MUSK: variants seen among roughly 807,000 people sequenced by gnomAD.
The protein encoded by MUSK is muscle associated receptor tyrosine kinase, also known as muscle, skeletal receptor tyrosine-protein kinase.
A neutral mutation model predicts 88.7 loss-of-function variants in MUSK; 55 were observed. The ratio of observed to expected loss-of-function variants is 0.62; its 90% confidence interval spans 0.50 to 0.78. MUSK has a LOEUF of 0.78. Ranked by LOEUF, MUSK falls within the 30% of genes least tolerant of loss-of-function variation. MUSK has a pLI of 0.00. For synonymous variants in MUSK, 387 were observed against 391.9 expected, an observed-to-expected ratio of 0.99 and a Z score of 0.15; for missense variants, 1,015 against 1,074.3, an observed-to-expected ratio of 0.94 and a Z score of 0.77.
At position 110,756,540 on chromosome 9, in the gene MUSK, T is replaced by TTA. The variant is rs774020210; in HGVS notation, c.914-5662_914-5661insTA. Among the ~76,000 whole-genome samples the TTA allele has an allele frequency of 1.5e-3, 216 of 143,916 alleles. 1 individual carries two copies. Among genetic ancestry groups the TTA allele is most frequent in the Admixed American group, 3.2e-3 (45 of 14,196 alleles). 94.4% of individuals were successfully genotyped at this position (143,916 alleles called of 152,430 possible). On this transcript the variant is annotated intron_variant, in intron 7 of 14. Transcript: ENST00000374448. ...AATTCTTTTTAGACAGTAATATTAT[T>TTA]AAAAAAAAAAAAAGACAAAACAAAT... is the stretch of plus-strand genomic sequence containing the variant.
At position 110,784,864 on chromosome 9, in the gene MUSK, G is replaced by A. The variant is rs765858753; in HGVS notation, c.1434G>A (p.Leu478=). 5.0e-6 allele frequency: 8 copies of A among 1,613,600 alleles called. No homozygotes were observed. The highest frequency in any genetic ancestry group is 1.6e-4 in the Middle Eastern group (1 of 6,084). ...SSKPSVDIPN[L]PSSSSSSFSV... ...AGCCAAGTGTGGACATTCCAAATCT[G>A]CCTTCCTCCTCCTCTTCTTCCTTCT... is the stretch of plus-strand genomic sequence containing the variant. The change falls in exon 12 of 15, where the codon CTG becomes CTA. Residue 478 remains leucine (L), a synonymous_variant. Coordinates refer to ENST00000374448, the MANE Select transcript of MUSK (RefSeq NM_005592.4).
intron 6 of MUSK, among the ~76,000 whole-genome samples, chr9:110,740,489 C>T (rs1263661676): frequency 5.3e-5 from 8 of 152,060 alleles, no homozygotes; most frequent in Non-Finnish European, 7.4e-5. Flanking sequence ...GTTCTCATTC[C>T]AAAATAGTTT....
chr9:110,689,746 T>TA (rs1255317144), intron 3 of MUSK, among the ~76,000 whole-genome samples: 2 of 23,418 alleles, frequency 8.5e-5, no homozygotes, highest in South Asian at 1.3e-3. Context: ...TATAATATTA[T>TA]ATATTATATA....
Position 110,762,213 on chromosome 9 carries a change from G to C in MUSK, c.920+5G>C. The C allele has an allele frequency of 7.0e-7, 1 of 1,434,966 alleles. No homozygotes were observed. Among genetic ancestry groups the C allele is most frequent in the Non-Finnish European group, 9.2e-7 (1 of 1,091,146 alleles). 88.9% of individuals were successfully genotyped at this position (1,434,966 alleles called of 1,614,324 possible). ...TTTCCTGTTAATAGAATGGAGGTAA[G>C]AAACTGTTATTGTAACAATTGTTTC... On this transcript the variant is annotated splice_donor_5th_base_variant and intron_variant, in intron 8 of 14. Transcript: ENST00000374448.
intron 7 of MUSK, among the ~76,000 whole-genome samples, chr9:110,753,019 T>C (rs2077266869): frequency 6.6e-6 from 1 of 152,128 alleles, no homozygotes. Flanking sequence ...GCAAGATGCT[T>C]CTCTTTGTCA....
intron 6 of MUSK, among the ~76,000 whole-genome samples, chr9:110,740,994 G>A (rs1211245113): frequency 6.6e-6 from 1 of 152,100 alleles, no homozygotes; most frequent in Non-Finnish European, 1.5e-5. Context: ...GGGAGGATGG[G>A]GAGATGATCA....
chr9:110,734,209 T>G (rs1426036993), intron 5 of MUSK, 42 bp from the exon 6 acceptor site: 1 of 1,579,812 alleles, frequency 6.3e-7, no homozygotes, highest in African/African-American at 1.3e-5. Flanking sequence ...GCTTGACCAT[T>G]TCCTGCAGGA....
In MUSK at chr9:110,736,573, G is replaced by A. The variant is rs144075692; in HGVS notation, c.753+2198G>A. On this transcript the variant is annotated intron_variant, in intron 6 of 14. Transcript: ENST00000374448. ...GCAGGCATTGTGGATCCTATAGGCC[G>A]TGTGGTCATTTAGACAACTTTGCTT... Among the ~76,000 whole-genome samples, 1,268 of 152,160 alleles carry A rather than the reference G, an allele frequency of 8.3e-3. 12 individuals carry two copies. The highest frequency in any genetic ancestry group is 0.029 in the African/African-American group (1,188 of 41,526).
chr9:110,706,651 T>G (rs2076603056), intron 5 of MUSK, among the ~76,000 whole-genome samples: 1 of 152,106 alleles, frequency 6.6e-6, no homozygotes, highest in African/African-American at 2.4e-5. Flanking sequence ...TTGGGACAAC[T>G]TTTGAAATTC....
intron 5 of MUSK, among the ~76,000 whole-genome samples, chr9:110,721,423 A>G (rs2076809838): frequency 6.6e-6 from 1 of 152,184 alleles, no homozygotes; most frequent in Non-Finnish European, 1.5e-5. Context: ...TACACAAATC[A>G]GTAGTTCTCC....
intron 9 of MUSK, chr9:110,775,212 CA>C (rs1451693082): frequency 6.5e-6 from 1 of 154,950 alleles, no homozygotes; most frequent in Non-Finnish European, 1.4e-5. Context: ...GCACGCAGAG[CA>C]ATGGGACAGG....
At chr9:110,748,809 A>G (rs2077211104) in intron 7 of MUSK, among the ~76,000 whole-genome samples, 2 of 152,208 alleles carry the variant, frequency 1.3e-5, no homozygotes, top group African/African-American at 4.8e-5. Context: ...CAGATAAATG[A>G]TAAGGAGCAC....
In MUSK at chr9:110,802,070, CT is replaced by C. The variant is rs1161710944; in HGVS notation, c.*1084del. On this transcript the variant is annotated 3_prime_UTR_variant, in exon 15 of 15. Coordinates refer to ENST00000374448, the MANE Select transcript of MUSK (RefSeq NM_005592.4). ...ATAATATGAGATTTCACAAGATACACTTGTGGCTCTGAGTTATTTCAAAACT... is the reference window on the plus strand; with the variant it reads ...ATAATATGAGATTTCACAAGATACACTGTGGCTCTGAGTTATTTCAAAACT... Among the ~76,000 whole-genome samples, 1 of 152,176 alleles carries C rather than the reference CT, an allele frequency of 6.6e-6. No homozygotes were observed. The highest frequency in any genetic ancestry group is 1.5e-5 in the Non-Finnish European group (1 of 68,040).
At chr9:110,681,417 T>C (rs1005837255) in intron 1 of MUSK, among the ~76,000 whole-genome samples, 3 of 151,604 alleles carry the variant, frequency 2.0e-5, no homozygotes, top group Admixed American at 6.6e-5. Context: ...AAATGATGTC[T>C]AAAACATGAT....
intron 14 of MUSK, 156 bp downstream of exon 14, chr9:110,787,994 C>G: frequency 2.6e-6 from 2 of 770,940 alleles, no homozygotes; most frequent in Non-Finnish European, 4.5e-6. Flanking sequence ...TATCCCAACC[C>G]TATAGGACAT....
chr9:110,806,496 G>C lies in MUSK; in HGVS notation c.*5508G>C, dbSNP rs1359034263. 1.3e-5 allele frequency among the ~76,000 whole-genome samples: 2 copies of C among 152,032 alleles called. No homozygotes were observed. Among genetic ancestry groups the C allele is most frequent in the Non-Finnish European group, 2.9e-5 (2 of 68,002 alleles). ...GAACAAATTAAGATTTAGGTGCTTTGACTAGATTGATTCTAAACATCAAAA... is the reference window on the plus strand; with the variant it reads ...GAACAAATTAAGATTTAGGTGCTTTCACTAGATTGATTCTAAACATCAAAA... On this transcript the variant is annotated 3_prime_UTR_variant, in exon 15 of 15. Coordinates refer to ENST00000374448, the MANE Select transcript of MUSK (RefSeq NM_005592.4).
At chr9:110,689,718 T>TAGTTATATATAAATATATAACTATATAA (rs370720549) in intron 3 of MUSK, among the ~76,000 whole-genome samples, 1 of 51,662 alleles carries the variant, frequency 1.9e-5, no homozygotes, top group Non-Finnish European at 2.9e-5. Flanking sequence ...TAACTATATA[T>TAGTTATATATAAATATATAACTATATAA]GTTATATATA....
chr9:110,712,869 G>A lies in MUSK; in HGVS notation c.628+15403G>A, dbSNP rs75152814. Among the ~76,000 whole-genome samples the A allele has an allele frequency of 1.2e-3, 180 of 144,754 alleles. No individual in the cohort carries two copies. In the East Asian group the frequency reaches 0.015, roughly 12 times the overall value. The allele number at this position is 144,754 out of a possible 152,430, so 95.0% of individuals were successfully genotyped here. A position where few individuals can be genotyped will look rare whatever the true frequency, so the allele number is the denominator to read the frequency against. ...ATTTCTTGAAAAGTGTTCAAATTCAGTGAGGAAGATGGATATGCAAACAAG... is the reference window on the plus strand; with the variant it reads ...ATTTCTTGAAAAGTGTTCAAATTCAATGAGGAAGATGGATATGCAAACAAG... On this transcript the variant is annotated intron_variant, in intron 5 of 14. Coordinates refer to ENST00000374448, the MANE Select transcript of MUSK (RefSeq NM_005592.4).
chr9:110,678,780 G>A (rs1447540576), intron 1 of MUSK, among the ~76,000 whole-genome samples: 1 of 151,944 alleles, frequency 6.6e-6, no homozygotes, highest in East Asian at 1.9e-4. Context: ...TCATCTATCA[G>A]GGCTTACAGT....
Sources: gnomAD v4.1 joint callset for allele counts (sites outside exome capture counted in the v4.1 genomes callset) on GRCh38, gnomAD v4.1.1 for gene constraint, MANE v1.5 for transcripts, NCBI Gene and HGNC (gene_info 2026-07-23, HGNC 2026-07-21) for gene names.